Variants in TG observed in about 807,000 individuals in gnomAD.
TG encodes thyroid hormones.
TG carries 270 observed loss-of-function variants against 324.7 expected under a neutral mutation model. The ratio of observed to expected loss-of-function variants is 0.83; its 90% CI spans 0.75 to 0.92. TG has a LOEUF of 0.92. TG is among the 40% of genes least tolerant of loss of function. The probability of loss-of-function intolerance (pLI) is 0.00; values close to 1 mark genes in which losing one functional copy is unlikely to be tolerated. For synonymous variants in TG, 1,401 were observed against 1,327.0 expected, an observed-to-expected ratio of 1.06 and a Z score of -1.21; for missense variants, 3,591 against 3,456.4, an observed-to-expected ratio of 1.04 and a Z score of -0.98.
intron 24 of TG, among the ~76,000 whole-genome samples, chr8:132,934,416 T>C (rs1257322605): frequency 6.6e-6 from 1 of 152,208 alleles, no homozygotes; most frequent in Non-Finnish European, 1.5e-5. Context: ...ATTGCTGTTC[T>C]GTGAGTCAAA....
chr8:133,030,069 G>A (rs781177162), intron 41 of TG, 46 bp downstream of exon 41: 1 of 1,610,900 alleles, frequency 6.2e-7, no homozygotes, highest in South Asian at 1.1e-5. Flanking sequence ...AGATGCGGCT[G>A]GGGGAGGTGG....
intron 31 of TG, among the ~76,000 whole-genome samples, chr8:132,969,023 A>G (rs2130490699): frequency 6.6e-6 from 1 of 152,174 alleles, no homozygotes; most frequent in East Asian, 1.9e-4. Context: ...TGCGGAGAGG[A>G]GAGGAGAGCA....
chr8:132,871,540 G>A lies in TG; in HGVS notation c.467G>A (p.Arg156Lys). 4.3e-6 allele frequency: 7 copies of A among 1,613,680 alleles called. No individual in the cohort carries two copies. The highest frequency in any genetic ancestry group is 5.9e-6 in the Non-Finnish European group (7 of 1,179,610). The change falls in exon 4 of 48, where the codon AGG becomes AAG. Residue 156 changes from arginine (R) to lysine (K), a missense_variant. Transcript: ENST00000220616. ...MEVYGTRQLGRPKRCPRSCEI... is the reference protein window; with the variant it reads ...MEVYGTRQLGKPKRCPRSCEI... ...GTGTATGGGACCCGCCAGCTGGGGA[G>A]GCCAAAGCGATGTGAGTTTCACTGA...
intron 41 of TG, chr8:133,036,816 C>T (rs1837194857): frequency 6.6e-6 from 1 of 152,616 alleles, no homozygotes; most frequent in Non-Finnish European, 1.5e-5. Context: ...TGAGAAATCC[C>T]TCTGGGTGCT....
Position 132,939,672 on chromosome 8 carries a change from T to TGTTTG in TG, c.5042-1679_5042-1678insGTTTG, listed in dbSNP as rs113473238. 7.6e-3 allele frequency among the ~76,000 whole-genome samples: 1,116 copies of TGTTTG among 147,300 alleles called. 13 individuals carry two copies. Among genetic ancestry groups the TGTTTG allele is most frequent in the African/African-American group, 0.026 (1,060 of 40,382 alleles). ...ATATATAGTCTATGGGGTTTTTTTT[T>TGTTTG]TTTGTTTGTTTGTTTGTTTTTTAAG... On this transcript the variant is annotated intron_variant, in intron 25 of 47. Coordinates refer to ENST00000220616, the MANE Select transcript of TG (RefSeq NM_003235.5).
At chr8:133,022,754 C>T (rs1255375582) in intron 40 of TG, among the ~76,000 whole-genome samples, 1 of 152,160 alleles carries the variant, frequency 6.6e-6, no homozygotes, top group Admixed American at 6.5e-5. Context: ...CATCCTCCAT[C>T]CACGTCTTTT....
At chr8:133,089,272 T>G (rs1847118650) in intron 41 of TG, among the ~76,000 whole-genome samples, 1 of 152,216 alleles carries the variant, frequency 6.6e-6, no homozygotes, top group Admixed American at 6.5e-5. Context: ...TTCCACACCT[T>G]GTGCTGGGCT....
At chr8:133,115,940 A>C (rs935040376) in intron 44 of TG, among the ~76,000 whole-genome samples, 4 of 152,120 alleles carry the variant, frequency 2.6e-5, no homozygotes, top group African/African-American at 9.7e-5. Flanking sequence ...TTTGGACTGG[A>C]TCTTTTTTTC....
At position 133,020,853 on chromosome 8, in the gene TG, G is replaced by A. The variant is rs548911040; in HGVS notation, c.6877-1138G>A. 1.9e-3 allele frequency among the ~76,000 whole-genome samples: 296 copies of A among 152,280 alleles called. 1 individual carries two copies. Among genetic ancestry groups the A allele is most frequent in the African/African-American group, 6.8e-3 (284 of 41,566 alleles). On this transcript the variant is annotated intron_variant, in intron 39 of 47. Transcript: ENST00000220616. ...CAGAGCCTTTAGCACAGCACTTACGGGGGCAGGTCCTCAGGCAGTGTTTGC... is the reference window on the plus strand; with the variant it reads ...CAGAGCCTTTAGCACAGCACTTACGAGGGCAGGTCCTCAGGCAGTGTTTGC...
chr8:133,048,009 G>A (rs1839782094), intron 41 of TG: 5 of 806,664 alleles, frequency 6.2e-6, no homozygotes, highest in Admixed American at 4.3e-5. Flanking sequence ...GCCACCCACC[G>A]TACTAAGCAC....
intron 41 of TG, among the ~76,000 whole-genome samples, chr8:133,072,492 G>T (rs1405109193): frequency 6.6e-6 from 1 of 152,208 alleles, no homozygotes; most frequent in Non-Finnish European, 1.5e-5. Context: ...ACAGATAAAT[G>T]TATGAACAGG....
intron 11 of TG, 88 bp from the exon 12 acceptor site, chr8:132,897,561 G>A (rs1817291914): frequency 1.3e-6 from 2 of 1,564,468 alleles, no homozygotes; most frequent in Admixed American, 3.3e-5. Flanking sequence ...TCCTTATGTT[G>A]GAACCAGGAC....
intron 30 of TG, 109 bp downstream of exon 30, chr8:132,966,806 A>G: frequency 7.6e-7 from 1 of 1,322,256 alleles, no homozygotes; most frequent in Non-Finnish European, 1.1e-6. Context: ...TTGTGTCATA[A>G]CTCATGGATC....
At chr8:132,879,571 T>C (rs1267108175) in intron 5 of TG, among the ~76,000 whole-genome samples, 3 of 152,252 alleles carry the variant, frequency 2.0e-5, no homozygotes, top group East Asian at 1.9e-4. Flanking sequence ...TCTCACTATA[T>C]ACAGAATTAG....
intron 40 of TG, among the ~76,000 whole-genome samples, chr8:133,027,391 G>A (rs973893864): frequency 6.6e-6 from 1 of 152,214 alleles, no homozygotes; most frequent in Non-Finnish European, 1.5e-5. Context: ...CAGTCCTCTG[G>A]TGTCTTGCCC....
At chr8:132,995,818 G>C (rs1225153525) in intron 35 of TG, among the ~76,000 whole-genome samples, 1 of 152,218 alleles carries the variant, frequency 6.6e-6, no homozygotes, top group African/African-American at 2.4e-5. Context: ...ATAGATCCAA[G>C]TCTGGTTTCG....
chr8:133,067,854 G>GA (rs1304861281), intron 41 of TG, among the ~76,000 whole-genome samples: 1 of 54,894 alleles, frequency 1.8e-5, no homozygotes, highest in African/African-American at 9.4e-5. Context: ...GAGAGAGAGA[G>GA]AAAGAAAGAA....
intron 39 of TG, 46 bp downstream of exon 39, chr8:133,019,741 T>A (rs778808761): frequency 6.5e-7 from 1 of 1,529,418 alleles, no homozygotes; most frequent in South Asian, 1.1e-5. Flanking sequence ...GACTGTCCCA[T>A]TAGAAATCCA....
intron 32 of TG, among the ~76,000 whole-genome samples, chr8:132,970,305 G>A (rs1829326310): frequency 6.6e-6 from 1 of 151,862 alleles, no homozygotes; most frequent in Non-Finnish European, 1.5e-5. Flanking sequence ...TATTGTCTGT[G>A]GATCTTACCC....
Sources: gnomAD v4.1 joint callset for allele counts (sites outside exome capture counted in the v4.1 genomes callset) on GRCh38, gnomAD v4.1.1 for gene constraint, MANE v1.5 for transcripts, NCBI Gene and HGNC (gene_info 2026-07-23, HGNC 2026-07-21) for gene names.